SLC25A23: variants seen among roughly 807,000 people sequenced by gnomAD.
SLC25A23 encodes solute carrier family 25 member 23.
SLC25A23 carries 32 observed loss-of-function variants against 53.9 expected under a neutral mutation model. The ratio of observed to expected loss-of-function variants is 0.59; its 90% CI spans 0.45 to 0.80. The LOEUF (loss-of-function observed/expected upper bound fraction) is 0.80, where lower values mean the gene tolerates loss of function less well. SLC25A23 is among the 30% of genes least tolerant of loss of function. SLC25A23 has a pLI of 0.00. For missense variants in SLC25A23, 575 were observed against 651.4 expected, an observed-to-expected ratio of 0.88 and a Z score of 1.28; for synonymous variants, 275 against 264.5, an observed-to-expected ratio of 1.04 and a Z score of -0.38.
At chr19:6,457,053 G>C (rs923692652) in intron 3 of SLC25A23, among the ~76,000 whole-genome samples, 3 of 145,788 alleles carry the variant, frequency 2.1e-5, no homozygotes, top group Non-Finnish European at 4.5e-5. Flanking sequence ...GCTTCAATTT[G>C]AATTTTTCTT....
chr19:6,439,175 G>C (rs965124501), downstream of SLC25A23, among the ~76,000 whole-genome samples: 1 of 151,932 alleles, frequency 6.6e-6, no homozygotes, highest in Non-Finnish European at 1.5e-5. Context: ...AGCCGAGATC[G>C]CACCACTGCA....
intron 8 of SLC25A23, among the ~76,000 whole-genome samples, chr19:6,445,213 G>A (rs1360675777): frequency 2.0e-5 from 3 of 152,168 alleles, no homozygotes; most frequent in South Asian, 2.1e-4. Context: ...GGCTTCAAGC[G>A]ATTCTCCTGC....
chr19:6,450,147 C>T (rs1240215551), intron 8 of SLC25A23, among the ~76,000 whole-genome samples: 1 of 152,024 alleles, frequency 6.6e-6, no homozygotes, highest in Non-Finnish European at 1.5e-5. Context: ...TGTGAGCCAC[C>T]GTGACCGGCC....
downstream of SLC25A23, among the ~76,000 whole-genome samples, chr19:6,439,395 TCTCTCACA>T (rs57011994): frequency 0.028 from 3,581 of 129,444 alleles, 121 homozygotes; most frequent in African/African-American, 0.099. Flanking sequence ...TCTCTCTCTC[TCTCTCACA>T]CACACACACA....
rs762817259 is a variant in SLC25A23 at position 6,458,232 on chromosome 19, C to T, written c.249G>A (p.Leu83=). The T allele has an allele frequency of 2.5e-6, 4 of 1,613,608 alleles. No homozygotes were observed. In the East Asian group the frequency reaches 8.9e-5, roughly 36 times the overall value. The change falls in exon 2 of 10, where the codon CTG becomes CTA. Residue 83 remains leucine, a synonymous_variant. Coordinates refer to ENST00000301454, the MANE Select transcript of SLC25A23 (RefSeq NM_024103.3). Reference sequence around the variant, plus strand: ...TCCGGTCAAGACTGTGAAACATGAGCAGCAGACGCTGTTCCCGCTCCTGCA... The same window carrying T: ...TCCGGTCAAGACTGTGAAACATGAGTAGCAGACGCTGTTCCCGCTCCTGCA... ...RYLQEREQRL[L]LMFHSLDRNQ... is the part of the protein sequence containing the mutation.
chr19:6,437,299 C>T (rs2092338092), downstream of SLC25A23, among the ~76,000 whole-genome samples: 1 of 152,142 alleles, frequency 6.6e-6, no homozygotes, highest in Admixed American at 6.6e-5. Context: ...TGAGCTACCC[C>T]ACCCACCCTG....
intron 8 of SLC25A23, among the ~76,000 whole-genome samples, chr19:6,451,830 C>CT (rs1222647154): frequency 0.011 from 1,360 of 124,192 alleles, 16 homozygotes; most frequent in Middle Eastern, 0.016. Context: ...CTTTGCCTGC[C>CT]TTTTTTTTTT....
At chr19:6,442,914 G>A (rs2092443711) in intron 9 of SLC25A23, among the ~76,000 whole-genome samples, 2 of 146,624 alleles carry the variant, frequency 1.4e-5, no homozygotes, top group Admixed American at 1.4e-4. Flanking sequence ...GATTACAGGC[G>A]TGTGCCACCA....
chr19:6,458,350 T>G (rs746412769), intron 1 of SLC25A23, 26 bp from the exon 2 acceptor site: 2 of 1,607,642 alleles, frequency 1.2e-6, no homozygotes, highest in South Asian at 2.2e-5. Flanking sequence ...GGGATAGAGG[T>G]GGCTCCAGGA....
chr19:6,442,176 G>C lies in SLC25A23; in HGVS notation c.1223-17C>G. 6.8e-7 allele frequency: 1 copy of C among 1,477,782 alleles called. No homozygotes were observed. The highest frequency in any genetic ancestry group is 9.1e-7 in the Non-Finnish European group (1 of 1,104,830). 91.5% of individuals were successfully genotyped at this position (1,477,782 alleles called of 1,614,324 possible). On this transcript the variant is annotated splice_polypyrimidine_tract_variant and intron_variant, in intron 9 of 9. Coordinates refer to ENST00000301454, the MANE Select transcript of SLC25A23 (RefSeq NM_024103.3). ...CGATGGAGGCTGGGAGGGGGCGGGG[G>C]GGGCACCAGGTAAGGCCAACGTTCC... is the stretch of plus-strand genomic sequence containing the variant.
At position 6,454,276 on chromosome 19, in the gene SLC25A23, C is replaced by T. The variant is rs1262012512; in HGVS notation, c.795+47G>A. The T allele has an allele frequency of 6.3e-7, 1 of 1,588,614 alleles. No homozygotes were observed. Among genetic ancestry groups the T allele is most frequent in the South Asian group, 1.2e-5 (1 of 86,828 alleles). On this transcript the variant is annotated intron_variant, in intron 6 of 9. Coordinates refer to ENST00000301454, the MANE Select transcript of SLC25A23 (RefSeq NM_024103.3). This position sits in a 1 kb window ranked among gnomAD's most constrained non-coding sequence, Gnocchi z 4.3. ...AATCCCGTAAATCTTTATGTACAGC[C>T]CAGTCTTCCCTATGGCAAGCACATT...
chr19:6,448,442 G>A (rs1015610372), intron 8 of SLC25A23, among the ~76,000 whole-genome samples: 3 of 151,950 alleles, frequency 2.0e-5, no homozygotes, highest in East Asian at 1.9e-4. Flanking sequence ...AAAGACGGCC[G>A]GGTGTGGTGG....
Position 6,454,774 on chromosome 19 carries a change from C to G in SLC25A23, c.484-57G>C, listed in dbSNP as rs972192003. On this transcript the variant is annotated intron_variant, in intron 4 of 9. Transcript: ENST00000301454. The surrounding 1 kb of genome is among the most constrained non-coding windows in gnomAD (Gnocchi z 4.3). ...ATGGTGGGGACAGGGAGATGTGACTCAGTCCTAAATAGGGGAGTCTCCTCT... is the reference window on the plus strand; with the variant it reads ...ATGGTGGGGACAGGGAGATGTGACTGAGTCCTAAATAGGGGAGTCTCCTCT... 1 of 1,594,414 alleles carries G rather than the reference C, an allele frequency of 6.3e-7. No individual in the cohort carries two copies. Among genetic ancestry groups the G allele is most frequent in the Non-Finnish European group, 8.6e-7 (1 of 1,168,876 alleles).
chr19:6,447,037 A>T (rs969839698), intron 8 of SLC25A23, among the ~76,000 whole-genome samples: 2 of 138,652 alleles, frequency 1.4e-5, no homozygotes, highest in African/African-American at 7.0e-5. Flanking sequence ...GAAGGAAGGA[A>T]GGATTCTCCC....
At position 6,459,238 on chromosome 19, in the gene SLC25A23, G is replaced by A. The variant is rs1390390546; in HGVS notation, c.156+235C>T. Among the ~76,000 whole-genome samples, 4 of 152,286 alleles carry A rather than the reference G, an allele frequency of 2.6e-5. No individual in the cohort carries two copies. The East Asian group carries it at 7.7e-4, about 29-fold the overall frequency. On this transcript the variant is annotated intron_variant, in intron 1 of 9. Transcript: ENST00000301454. This position sits in a 1 kb window ranked among gnomAD's most constrained non-coding sequence, Gnocchi z 4.6. ...TTCCCAGGCAGACGCCCCCTGCCCC[G>A]CAGCAGGGGGATCGGGTGTTGGCCG...
chr19:6,452,941 C>G (rs527695773), intron 7 of SLC25A23, among the ~76,000 whole-genome samples: 1 of 152,196 alleles, frequency 6.6e-6, no homozygotes, highest in Non-Finnish European at 1.5e-5. Context: ...ATGACATTTC[C>G]CAGATGCCCT....
At chr19:6,439,159 G>A (rs766238988), downstream of SLC25A23, among the ~76,000 whole-genome samples, 20 of 152,126 alleles carry the variant, frequency 1.3e-4, no homozygotes, top group Admixed American at 3.9e-4. Context: ...GGTGTAAGCT[G>A]CAGTGAGCCG....
intron 7 of SLC25A23, among the ~76,000 whole-genome samples, chr19:6,452,769 G>A (rs56802090): frequency 6.6e-6 from 1 of 152,080 alleles, no homozygotes; most frequent in Non-Finnish European, 1.5e-5. Context: ...GCCCGTGCTG[G>A]TCTCGAACTC....
Position 6,452,297 on chromosome 19 carries a change from G to T in SLC25A23, c.1071+15C>A. On this transcript the variant is annotated intron_variant, in intron 8 of 9. Coordinates refer to ENST00000301454, the MANE Select transcript of SLC25A23 (RefSeq NM_024103.3). The stretch of plus-strand genomic sequence containing the variant: ...CAGAGGGGAGCAGGGAAAGAGGAAC[G>T]CGCTGCCCACAGACCTCGTAGACGG... The T allele has an allele frequency of 6.2e-7, 1 of 1,600,434 alleles. No individual in the cohort carries two copies. Among genetic ancestry groups the T allele is most frequent in the Non-Finnish European group, 8.5e-7 (1 of 1,173,720 alleles).
Sources: allele counts gnomAD v4.1 joint callset (sites outside exome capture counted in the v4.1 genomes callset), GRCh38; gene constraint gnomAD v4.1.1; non-coding constraint Gnocchi (gnomAD v3.1); transcripts MANE v1.5; gene names NCBI Gene and HGNC (gene_info 2026-07-23, HGNC 2026-07-21).